HDAC9: variants seen among roughly 807,000 people sequenced by gnomAD.
HDAC9 encodes the protein histone deacetylase 9, also known as MEF-2 interacting transcription repressor (MITR) protein.
In HDAC9, 41 loss-of-function variants were observed where a neutral mutation model predicts 139.4. That is an observed-to-expected ratio of 0.29 (90% CI 0.23 to 0.38). The LOEUF (loss-of-function observed/expected upper bound fraction) is 0.38, where lower values mean the gene tolerates loss of function less well. HDAC9 is among the 10% of genes least tolerant of loss of function. HDAC9 has a pLI of 1.00. For synonymous variants in HDAC9, 517 were observed against 476.2 expected (o/e 1.09, Z -1.12); for missense variants, 1,147 against 1,297.0 (o/e 0.88, Z 1.78).
intron 16 of HDAC9, among the ~76,000 whole-genome samples, chr7:18,788,167 GC>G (rs1413664706): frequency 6.6e-6 from 1 of 152,138 alleles, no homozygotes; most frequent in Non-Finnish European, 1.5e-5. Flanking sequence ...GCCAGCTGGA[GC>G]TTGGCAGGGT....
chr7:18,838,833 G>A (rs1157283638), intron 21 of HDAC9, among the ~76,000 whole-genome samples: 1 of 151,854 alleles, frequency 6.6e-6, no homozygotes, highest in Non-Finnish European at 1.5e-5. Flanking sequence ...CTCTCTCCCT[G>A]TGAAGCTACA....
chr7:18,727,606 T>G lies in HDAC9; in HGVS notation c.1758T>G (p.Arg586=). The change falls in exon 13 of 26, where the codon CGT becomes CGG. Residue 586 remains arginine (R), a synonymous_variant. Transcript: ENST00000686413. ...CTTTCCTGGAACCCACGCACACACGTGCGCTCTCTGTGCGCCAAGCTCCGC... is the reference window on the plus strand; with the variant it reads ...CTTTCCTGGAACCCACGCACACACGGGCGCTCTCTGTGCGCCAAGCTCCGC... ...QQPFLEPTHT[R]ALSVRQAPLA... The G allele has an allele frequency of 6.3e-7, 1 of 1,596,486 alleles. No homozygotes were observed. The highest frequency in any genetic ancestry group is 2.3e-5 in the East Asian group (1 of 44,098).
At chr7:18,427,011 A>T (rs1790177136) in intron 1 of HDAC9, among the ~76,000 whole-genome samples, 1 of 152,094 alleles carries the variant, frequency 6.6e-6, no homozygotes, top group African/African-American at 2.4e-5. Context: ...GCTCTGAATG[A>T]TGAAATATTG....
At chr7:18,595,704 GA>G (rs1230214704) in intron 6 of HDAC9, among the ~76,000 whole-genome samples, 1 of 151,988 alleles carries the variant, frequency 6.6e-6, no homozygotes, top group Non-Finnish European at 1.5e-5. Flanking sequence ...CAGAGCCTTT[GA>G]ATATATCCTT....
At chr7:18,608,750 G>T (rs1269740668) in intron 6 of HDAC9, among the ~76,000 whole-genome samples, 1 of 152,048 alleles carries the variant, frequency 6.6e-6, no homozygotes, top group East Asian at 1.9e-4. Context: ...GCTGGGCCTG[G>T]ACATAAATAT....
intron 2 of HDAC9, among the ~76,000 whole-genome samples, chr7:18,218,862 T>G (rs985711632): frequency 2.6e-5 from 4 of 152,198 alleles, no homozygotes; most frequent in African/African-American, 7.2e-5. Context: ...AATTATAATA[T>G]TTCTTGTCTA....
intron 2 of HDAC9, among the ~76,000 whole-genome samples, chr7:18,230,255 T>C (rs982074268): frequency 6.6e-6 from 1 of 152,196 alleles, no homozygotes; most frequent in Non-Finnish European, 1.5e-5. Flanking sequence ...TAATTTATAG[T>C]GCCCAGTGAA....
intron 1 of HDAC9, among the ~76,000 whole-genome samples, chr7:18,126,315 AC>A (rs1784666370): frequency 6.6e-6 from 1 of 151,890 alleles, no homozygotes; most frequent in African/African-American, 2.4e-5. Context: ...AGACTTGAAA[AC>A]CCCAGGTGAA....
intron 17 of HDAC9, among the ~76,000 whole-genome samples, chr7:18,796,353 G>C (rs555404333): frequency 6.6e-6 from 1 of 152,296 alleles, no homozygotes. Flanking sequence ...ACTTTTGATA[G>C]GTCCTTTCCT....
intron 16 of HDAC9, among the ~76,000 whole-genome samples, chr7:18,770,545 A>G (rs1790198266): frequency 6.6e-6 from 1 of 152,152 alleles, no homozygotes; most frequent in South Asian, 2.1e-4. Context: ...TAGGCCACAG[A>G]AAAACCCACA....
chr7:18,531,180 T>A (rs1225537371), intron 2 of HDAC9, among the ~76,000 whole-genome samples: 2 of 152,134 alleles, frequency 1.3e-5, no homozygotes, highest in Non-Finnish European at 2.9e-5. Flanking sequence ...TTTATTATAA[T>A]AATTATTATT....
In HDAC9 at chr7:18,732,808, TAC is replaced by T. The variant is rs576705156; in HGVS notation, c.1909+5058_1909+5059del. Among the ~76,000 whole-genome samples the T allele has an allele frequency of 5.0e-5, 4 of 80,744 alleles. 1 individual carries two copies. Among genetic ancestry groups the T allele is most frequent in the African/African-American group, 7.0e-5 (1 of 14,262 alleles). 53.0% of individuals were successfully genotyped at this position (80,744 alleles called of 152,430 possible). A position where few individuals can be genotyped will look rare whatever the true frequency, so the allele number is the denominator to read the frequency against. On this transcript the variant is annotated intron_variant, in intron 13 of 25. Transcript: ENST00000686413. The stretch of plus-strand genomic sequence containing the variant: ...ACACGTGTGTTTGTGTGCGTATGTG[TAC>T]ACACACGTGTGTATGTGTGCGTATG...
chr7:18,112,931 T>A (rs1179962683), intron 1 of HDAC9, among the ~76,000 whole-genome samples: 4 of 152,096 alleles, frequency 2.6e-5, no homozygotes, highest in Non-Finnish European at 4.4e-5. Flanking sequence ...TTTGTTTGTG[T>A]TTTTCCTTGA....
chr7:18,152,015 G>A (rs1037150307), intron 1 of HDAC9: 2 of 152,038 alleles, frequency 1.3e-5, no homozygotes, highest in Non-Finnish European at 2.9e-5. Context: ...CTAAAGCTGT[G>A]CACCAGCTCT....
intron 1 of HDAC9, among the ~76,000 whole-genome samples, chr7:18,106,743 C>T (rs1014935946): frequency 3.3e-5 from 5 of 152,194 alleles, no homozygotes; most frequent in Admixed American, 2.0e-4. Flanking sequence ...CGTGAGCCAC[C>T]GTGGCTGGCC....
At chr7:18,606,079 G>C (rs182023474) in intron 6 of HDAC9, among the ~76,000 whole-genome samples, 1 of 152,094 alleles carries the variant, frequency 6.6e-6, no homozygotes, top group Non-Finnish European at 1.5e-5. Flanking sequence ...ATATTTCTTC[G>C]TTACTGACTC....
intron 2 of HDAC9, among the ~76,000 whole-genome samples, chr7:18,569,733 A>G (rs1447109983): frequency 6.6e-6 from 1 of 152,162 alleles, no homozygotes; most frequent in African/African-American, 2.4e-5. Context: ...TTATTTATTT[A>G]TGTATATGTA....
At chr7:18,280,504 C>G (rs1056784139) in intron 2 of HDAC9, among the ~76,000 whole-genome samples, 2 of 151,916 alleles carry the variant, frequency 1.3e-5, no homozygotes, top group Non-Finnish European at 2.9e-5. Flanking sequence ...AGGAGAATCA[C>G]TGGAACCTGG....
intron 2 of HDAC9, among the ~76,000 whole-genome samples, chr7:18,236,736 T>G (rs948517818): frequency 1.3e-5 from 2 of 152,106 alleles, no homozygotes; most frequent in African/African-American, 4.8e-5. Flanking sequence ...AGACTCATGA[T>G]GTACGGCTGT....
Sources: gnomAD v4.1 joint callset for allele counts (sites outside exome capture counted in the v4.1 genomes callset) on GRCh38, gnomAD v4.1.1 for gene constraint, MANE v1.5 for transcripts, NCBI Gene and HGNC (gene_info 2026-07-23, HGNC 2026-07-21) for gene names.